COMMD10: variants seen among roughly 807,000 people sequenced by gnomAD.
The protein encoded by COMMD10 is COMM domain containing 10.
Under a neutral mutation model 28.9 loss-of-function variants are expected in COMMD10, and 33 were observed. The observed-to-expected ratio is 1.14, with a 90% CI of 0.87 to 1.53. The LOEUF (loss-of-function observed/expected upper bound fraction) is 1.53, where lower values mean the gene tolerates loss of function less well. Among genes scored for constraint, COMMD10 ranks in the 40% most tolerant of loss-of-function variants. The pLI is 0.00. For synonymous variants in COMMD10, 110 were observed against 81.7 expected (o/e 1.35, Z -1.87); for missense variants, 310 against 233.4 (o/e 1.33, Z -2.14).
intron 5 of COMMD10, among the ~76,000 whole-genome samples, chr5:116,212,746 T>G (rs574706058): frequency 2.0e-5 from 3 of 152,236 alleles, no homozygotes; most frequent in African/African-American, 7.2e-5. Context: ...TGCTTCAACT[T>G]AATAGTGGTA....
chr5:116,264,267 G>A (rs78402670), intron 5 of COMMD10, among the ~76,000 whole-genome samples: 7,189 of 151,764 alleles, frequency 0.047, 283 homozygotes, highest in African/African-American at 0.09. Context: ...TCTTCTGCAG[G>A]TTTGTTAAAC....
At chr5:116,089,623 G>GTTGAGAT (rs1750231962) in intron 2 of COMMD10, among the ~76,000 whole-genome samples, 1 of 152,192 alleles carries the variant, frequency 6.6e-6, no homozygotes, top group Non-Finnish European at 1.5e-5. Flanking sequence ...ATCTATCTTA[G>GTTGAGAT]AGTTAACTGA....
At chr5:116,161,889 C>T (rs967030638) in intron 5 of COMMD10, among the ~76,000 whole-genome samples, 2 of 152,162 alleles carry the variant, frequency 1.3e-5, no homozygotes, top group Non-Finnish European at 2.9e-5. Context: ...CTGCAGTGCA[C>T]ACCTATGTTC....
intron 4 of COMMD10, among the ~76,000 whole-genome samples, chr5:116,098,179 C>G (rs1023902804): frequency 2.0e-5 from 3 of 152,178 alleles, no homozygotes; most frequent in Non-Finnish European, 2.9e-5. Context: ...AGCTGTAATG[C>G]TATCTTTCTT....
At chr5:116,145,803 A>G (rs1217577871) in intron 5 of COMMD10, among the ~76,000 whole-genome samples, 1 of 151,864 alleles carries the variant, frequency 6.6e-6, no homozygotes, top group Non-Finnish European at 1.5e-5. Context: ...CCCTTTGCTC[A>G]GCACTTCTCC....
intron 5 of COMMD10, among the ~76,000 whole-genome samples, chr5:116,239,505 G>C (rs1749760039): frequency 6.6e-6 from 1 of 152,138 alleles, no homozygotes; most frequent in South Asian, 2.1e-4. Flanking sequence ...CTCTCTTTGA[G>C]CAGTACATTT....
rs146215093 is a variant in COMMD10 at position 116,102,914 on chromosome 5, G to A, written c.399+10214G>A. Among the ~76,000 whole-genome samples, 750 of 152,044 alleles carry A rather than the reference G, an allele frequency of 4.9e-3. 33 individuals carry two copies. The East Asian group carries it at 0.12, about 24-fold the overall frequency. On this transcript the variant is annotated intron_variant, in intron 4 of 6. Transcript: ENST00000274458. ...CACCCCCTTATGAGTGAGAACATGC[G>A]GTGTTTGGTTTTCTGTTCTTGTGTT... is the stretch of plus-strand genomic sequence containing the variant.
intron 5 of COMMD10, among the ~76,000 whole-genome samples, chr5:116,184,049 A>G (rs933108601): frequency 6.6e-6 from 1 of 152,144 alleles, no homozygotes. Context: ...CAAATTCCAA[A>G]TACTAAATTA....
At chr5:116,282,655 G>A (rs890563894) in intron 5 of COMMD10, among the ~76,000 whole-genome samples, 1 of 151,864 alleles carries the variant, frequency 6.6e-6, no homozygotes, top group African/African-American at 2.4e-5. Context: ...AATCAATTTG[G>A]TTTCTTCTAA....
intron 5 of COMMD10, among the ~76,000 whole-genome samples, chr5:116,280,099 G>A (rs1751033193): frequency 6.6e-6 from 1 of 151,812 alleles, no homozygotes; most frequent in African/African-American, 2.4e-5. Flanking sequence ...ACCGTTATGG[G>A]CGCCATTTTC....
chr5:116,209,832 A>G (rs1320099294), intron 5 of COMMD10, among the ~76,000 whole-genome samples: 3 of 152,172 alleles, frequency 2.0e-5, no homozygotes, highest in Non-Finnish European at 4.4e-5. Context: ...ACTCATTCAC[A>G]AGAATGGTGA....
chr5:116,161,941 A>G (rs1752931832), intron 5 of COMMD10, among the ~76,000 whole-genome samples: 1 of 152,216 alleles, frequency 6.6e-6, no homozygotes, highest in Admixed American at 6.5e-5. Flanking sequence ...GCTGCTAGTT[A>G]CAGCATGGTC....
At chr5:116,094,352 C>A (rs191889205) in intron 4 of COMMD10, among the ~76,000 whole-genome samples, 1 of 152,214 alleles carries the variant, frequency 6.6e-6, no homozygotes, top group East Asian at 1.9e-4. Flanking sequence ...TTAATGTGGA[C>A]AAAGGATCTA....
At chr5:116,228,104 T>A (rs552237769) in intron 5 of COMMD10, among the ~76,000 whole-genome samples, 1 of 152,076 alleles carries the variant, frequency 6.6e-6, no homozygotes, top group Non-Finnish European at 1.5e-5. Context: ...ACTATGATTC[T>A]TAAGGTATTC....
intron 5 of COMMD10, among the ~76,000 whole-genome samples, chr5:116,236,796 A>T (rs989669050): frequency 3.3e-5 from 5 of 152,092 alleles, no homozygotes; most frequent in Non-Finnish European, 5.9e-5. Flanking sequence ...AGTGAACCCT[A>T]ATGTAAACTA....
chr5:116,287,730 C>T (rs1580612886), intron 5 of COMMD10, among the ~76,000 whole-genome samples: 1 of 150,744 alleles, frequency 6.6e-6, no homozygotes, highest in East Asian at 1.9e-4. Context: ...TGTGTGTATT[C>T]TACAGATATT....
Position 116,279,829 on chromosome 5 carries a change from C to T in COMMD10, c.511-11688C>T, listed in dbSNP as rs1438838967. ...ATTTTTGAGAAATTGAAGACTTTAA[C>T]CTTGCATTACCTCTTATTATTAAGA... On this transcript the variant is annotated intron_variant, in intron 5 of 6. Coordinates refer to ENST00000274458, the MANE Select transcript of COMMD10 (RefSeq NM_016144.4). 3.3e-5 allele frequency among the ~76,000 whole-genome samples: 5 copies of T among 151,698 alleles called. 1 individual carries two copies. The highest frequency in any genetic ancestry group is 1.2e-4 in the African/African-American group (5 of 41,110).
intron 5 of COMMD10, among the ~76,000 whole-genome samples, chr5:116,147,267 C>T (rs189079766): frequency 1.3e-5 from 2 of 151,826 alleles, no homozygotes; most frequent in African/African-American, 2.4e-5. Flanking sequence ...GGGAATATAC[C>T]GTAACTAGGG....
intron 2 of COMMD10, among the ~76,000 whole-genome samples, chr5:116,090,222 G>T (rs1750251758): frequency 6.6e-6 from 1 of 152,100 alleles, no homozygotes; most frequent in African/African-American, 2.4e-5. Flanking sequence ...CATCTTCTTG[G>T]CTCATCCTGG....
Sources: gnomAD v4.1 joint callset for allele counts (sites outside exome capture counted in the v4.1 genomes callset) on GRCh38, gnomAD v4.1.1 for gene constraint, MANE v1.5 for transcripts, NCBI Gene and HGNC (gene_info 2026-07-23, HGNC 2026-07-21) for gene names.